The following MAD1L1 variants were observed in gnomAD, a reference collection of about 807,000 sequenced individuals.
MAD1L1 encodes the protein mitotic arrest deficient 1 like 1.
MAD1L1 carries 95 observed loss-of-function variants against 96.9 expected under a neutral mutation model. The observed-to-expected ratio is 0.98, with a 90% CI of 0.83 to 1.16. The LOEUF (loss-of-function observed/expected upper bound fraction) is 1.16, where lower values mean the gene tolerates loss of function less well. Among genes scored for constraint, MAD1L1 ranks in the 50% most tolerant of loss-of-function variants. The probability of loss-of-function intolerance (pLI) is 0.00; values close to 1 mark genes in which losing one functional copy is unlikely to be tolerated. For synonymous variants in MAD1L1, 473 were observed against 396.6 expected (o/e 1.19, Z -2.29); for missense variants, 1,007 against 954.4 (o/e 1.06, Z -0.73).
intron 17 of MAD1L1, among the ~76,000 whole-genome samples, chr7:1,912,703 G>T (rs1330721609): frequency 6.6e-6 from 1 of 152,200 alleles, no homozygotes; most frequent in African/African-American, 2.4e-5. Context: ...CAGGCAGGGA[G>T]CCCACCGCGC....
intron 7 of MAD1L1, among the ~76,000 whole-genome samples, 153 bp downstream of exon 7, chr7:2,217,809 C>A (rs1023678412): frequency 6.6e-6 from 1 of 152,216 alleles, no homozygotes; most frequent in Non-Finnish European, 1.5e-5. Context: ...CCATGGCATC[C>A]CTGGTGCCCA....
intron 15 of MAD1L1, among the ~76,000 whole-genome samples, chr7:1,964,041 G>T (rs529224051): frequency 1.3e-5 from 2 of 152,160 alleles, no homozygotes; most frequent in Non-Finnish European, 2.9e-5. Context: ...CTGAGTAAAG[G>T]GGAGACTGAG....
intron 12 of MAD1L1, among the ~76,000 whole-genome samples, chr7:2,051,252 C>A (rs1271371814): frequency 6.6e-6 from 1 of 151,230 alleles, no homozygotes; most frequent in African/African-American, 2.4e-5. Flanking sequence ...CTGGCCTGGG[C>A]ACTGGAGGAG....
At chr7:2,211,971 C>T (rs1792969673) in intron 10 of MAD1L1, among the ~76,000 whole-genome samples, 1 of 152,238 alleles carries the variant, frequency 6.6e-6, no homozygotes. Flanking sequence ...GCACCAGCAC[C>T]TCGGGCCCTG....
intron 17 of MAD1L1, among the ~76,000 whole-genome samples, chr7:1,917,896 G>C (rs988202176): frequency 6.6e-6 from 1 of 152,228 alleles, no homozygotes; most frequent in African/African-American, 2.4e-5. Flanking sequence ...GAGCAGCAAA[G>C]AGAAGGGCTA....
chr7:1,898,257 G>A lies in MAD1L1; in HGVS notation c.1941C>T (p.Asn647=). 1 of 1,614,180 alleles carries A rather than the reference G, an allele frequency of 6.2e-7. No homozygotes were observed. The highest frequency in any genetic ancestry group is 8.5e-7 in the Non-Finnish European group (1 of 1,180,024). The change falls in exon 18 of 19, where the codon AAC becomes AAT. Residue 647 remains asparagine, a synonymous_variant. Coordinates refer to ENST00000265854, the MANE Select transcript of MAD1L1 (RefSeq NM_001013836.2). ...TGYQIDITTE[N]QYRLTSLYAE... is the part of the protein sequence containing the mutation. ...CGTACAGCGAGGTCAGCCGGTACTG[G>A]TTCTCCGTGGTGATGTCGATCTGGT...
chr7:2,069,102 ACTCCTGC>A (rs1489351728), intron 12 of MAD1L1, 85 bp downstream of exon 12: 1 of 1,427,172 alleles, frequency 7.0e-7, no homozygotes, highest in Non-Finnish European at 9.2e-7. Context: ...CGGCTGCAGC[ACTCCTGC>A]CTCCACAGTG....
intron 16 of MAD1L1, among the ~76,000 whole-genome samples, chr7:1,945,319 A>ATGAGGACTATTC (rs1405317425): frequency 1.3e-5 from 2 of 152,272 alleles, no homozygotes; most frequent in Admixed American, 1.3e-4. Context: ...CTATCCCGGC[A>ATGAGGACTATTC]CAGGCTCCAT....
chr7:2,040,190 G>A (rs1030381634), intron 12 of MAD1L1, among the ~76,000 whole-genome samples: 1 of 152,172 alleles, frequency 6.6e-6, no homozygotes, highest in African/African-American at 2.4e-5. Flanking sequence ...AAAGACAAAA[G>A]CTACCAAAAC....
chr7:1,971,683 T>A (rs936646608), intron 15 of MAD1L1, among the ~76,000 whole-genome samples: 1 of 152,158 alleles, frequency 6.6e-6, no homozygotes, highest in African/African-American at 2.4e-5. Flanking sequence ...TTGAGGCATT[T>A]ACCTGAAGAC....
intron 11 of MAD1L1, among the ~76,000 whole-genome samples, chr7:2,129,351 T>C: frequency 6.6e-6 from 1 of 151,510 alleles, no homozygotes; most frequent in East Asian, 1.9e-4. Flanking sequence ...TATAGAAGAG[T>C]AAAAGGTCTG....
chr7:1,893,491 A>G (rs1033910707), intron 18 of MAD1L1, among the ~76,000 whole-genome samples: 1 of 152,076 alleles, frequency 6.6e-6, no homozygotes, highest in South Asian at 2.1e-4. Flanking sequence ...GTTTGGCGAG[A>G]TCTTTCAGGA....
intron 18 of MAD1L1, among the ~76,000 whole-genome samples, chr7:1,821,403 C>T (rs754065333): frequency 6.6e-6 from 1 of 152,140 alleles, no homozygotes; most frequent in Non-Finnish European, 1.5e-5. Context: ...TTTACACAAT[C>T]CTTTTTCAGT....
At chr7:2,121,327 C>A (rs1787968498) in intron 11 of MAD1L1, among the ~76,000 whole-genome samples, 1 of 152,232 alleles carries the variant, frequency 6.6e-6, no homozygotes, top group Admixed American at 6.5e-5. Context: ...TGCACCAGGC[C>A]CCCAGCACCT....
intron 11 of MAD1L1, among the ~76,000 whole-genome samples, chr7:2,076,977 TGGTGAGCCCG>T: frequency 7.8e-6 from 1 of 128,956 alleles, no homozygotes; most frequent in Admixed American, 7.5e-5. Context: ...GCCCGCAGCA[TGGTGAGCCCG>T]AGACGGTTAT....
rs189599489 is a variant in MAD1L1, at chr7:2,106,231, C to T, written c.1074-36893G>A. On this transcript the variant is annotated intron_variant, in intron 11 of 18. Transcript: ENST00000265854. ...CATCGGCAGCACCCCTCCACTGCGT[C>T]GGTGCCTTGCGTGAAAGGTGCGAGC... Among the ~76,000 whole-genome samples, 513 of 152,216 alleles carry T rather than the reference C, an allele frequency of 3.4e-3. 12 individuals carry two copies. The highest frequency in any genetic ancestry group is 0.031 in the Admixed American group (471 of 15,304).
chr7:2,138,296 C>T (rs761756809), intron 11 of MAD1L1, among the ~76,000 whole-genome samples: 18 of 152,174 alleles, frequency 1.2e-4, no homozygotes, highest in Non-Finnish European at 2.4e-4. Context: ...GACGTGCTCC[C>T]TGGCCACCGT....
At chr7:1,986,859 C>G (rs1213987026) in intron 14 of MAD1L1, among the ~76,000 whole-genome samples, 1 of 152,128 alleles carries the variant, frequency 6.6e-6, no homozygotes, top group East Asian at 1.9e-4. Flanking sequence ...TAAGTAAGCT[C>G]CCAACTGTAT....
intron 11 of MAD1L1, among the ~76,000 whole-genome samples, chr7:2,100,510 C>T (rs184554946): frequency 2.2e-3 from 339 of 152,370 alleles, no homozygotes; most frequent in Non-Finnish European, 3.0e-3. Flanking sequence ...CCACCCGGCG[C>T]GTCTGCCTCG....
Sources: allele counts gnomAD v4.1 joint callset (sites outside exome capture counted in the v4.1 genomes callset), GRCh38; gene constraint gnomAD v4.1.1; transcripts MANE v1.5; gene names NCBI Gene and HGNC (gene_info 2026-07-23, HGNC 2026-07-21).